LRPAP1: variants seen among roughly 807,000 people sequenced by gnomAD.
LRPAP1 encodes LDL receptor related protein associated protein 1, also known as alpha-2-macroglobulin receptor-associated protein.
A neutral mutation model predicts 39.9 loss-of-function variants in LRPAP1; 41 were observed. The ratio of observed to expected loss-of-function variants is 1.03; its 90% confidence interval spans 0.80 to 1.33. The LOEUF (loss-of-function observed/expected upper bound fraction) is 1.33, where lower values mean the gene tolerates loss of function less well. Ranked by LOEUF, LRPAP1 falls within the 40% of genes most tolerant of loss-of-function variation. The pLI is 0.00. For missense variants in LRPAP1, 565 were observed against 482.3 expected, an observed-to-expected ratio of 1.17 and a Z score of -1.61; for synonymous variants, 263 against 212.7, an observed-to-expected ratio of 1.24 and a Z score of -2.06.
intron 7 of LRPAP1, 97 bp downstream of exon 7, chr4:3,514,655 C>G: frequency 1.4e-6 from 2 of 1,436,188 alleles, no homozygotes; most frequent in Non-Finnish European, 1.9e-6. Flanking sequence ...GCGTGGGGCC[C>G]ACACCCCATC....
rs1729388398 is a variant in LRPAP1, at chr4:3,507,489, A to G, written c.*5485T>C. ...CCTACATATCATATATTTATACATT[A>G]TCATCTGCGAATTACTGACATTTGC... On this transcript the variant is annotated 3_prime_UTR_variant, in exon 8 of 8. Coordinates refer to ENST00000650182, the MANE Select transcript of LRPAP1 (RefSeq NM_002337.4). The G allele has an allele frequency of 8.7e-6, 1 of 115,428 alleles. No homozygotes were observed. Among genetic ancestry groups the G allele is most frequent in the South Asian group, 2.4e-4 (1 of 4,180 alleles). 7.2% of individuals were successfully genotyped at this position (115,428 alleles called of 1,614,324 possible). A position where few individuals can be genotyped will look rare whatever the true frequency, so the allele number is the denominator to read the frequency against.
In LRPAP1 at chr4:3,510,741, G is replaced by A. The variant is rs1729481420; in HGVS notation, c.*2233C>T. 1 of 152,116 alleles carries A rather than the reference G, an allele frequency of 6.6e-6. No individual in the cohort carries two copies. The highest frequency in any genetic ancestry group is 6.5e-5 in the Admixed American group (1 of 15,276). The allele number at this position is 152,116 out of a possible 1,614,324, so 9.4% of individuals were successfully genotyped here. ...AATCTCAGATGCTGAGCGAATGTAA[G>A]CAGATACACGCAGACATACACAGAC... On this transcript the variant is annotated 3_prime_UTR_variant, in exon 8 of 8. Transcript: ENST00000650182.
At chr4:3,521,433 T>A (rs998508197) in intron 2 of LRPAP1, among the ~76,000 whole-genome samples, 1 of 152,096 alleles carries the variant, frequency 6.6e-6, no homozygotes, top group Non-Finnish European at 1.5e-5. Context: ...GGCCTCCACA[T>A]GCTCTGGGCT....
At chr4:3,522,301 CCA>C (rs1048504128) in intron 2 of LRPAP1, among the ~76,000 whole-genome samples, 2 of 152,238 alleles carry the variant, frequency 1.3e-5, no homozygotes, top group Admixed American at 6.5e-5. Context: ...AAGCTCTGAG[CCA>C]GAGCCCAAAG....
chr4:3,505,226 C>T lies in LRPAP1; in HGVS notation c.*7748G>A, dbSNP rs1040487311. ...AGCCCAGCTCGAGGCTGCTCTTCAG[C>T]CCCAGCCCCTGGTGTCCCGCAGCGG... On this transcript the variant is annotated 3_prime_UTR_variant, in exon 8 of 8. Coordinates refer to ENST00000650182, the MANE Select transcript of LRPAP1 (RefSeq NM_002337.4). Among the ~76,000 whole-genome samples the T allele has an allele frequency of 2.6e-5, 4 of 152,334 alleles. No homozygotes were observed. The highest frequency in any genetic ancestry group is 2.6e-4 in the Admixed American group (4 of 15,312).
Position 3,512,321 on chromosome 4 carries a change from T to A in LRPAP1, c.*653A>T, listed in dbSNP as rs188505547. On this transcript the variant is annotated 3_prime_UTR_variant, in exon 8 of 8. Transcript: ENST00000650182. ...GGTCCCTGAGCTGCAGAGGTGAGAG[T>A]TGAAAGACGCTGCCCCCAGGCCACA... 2 of 152,240 alleles carry A rather than the reference T, an allele frequency of 1.3e-5. No homozygotes were observed. Among genetic ancestry groups the A allele is most frequent in the African/African-American group, 4.8e-5 (2 of 41,358 alleles). The allele number at this position is 152,240 out of a possible 1,614,324, so 9.4% of individuals were successfully genotyped here.
At chr4:3,527,562 G>A (rs548200052) in intron 1 of LRPAP1, among the ~76,000 whole-genome samples, 10 of 152,252 alleles carry the variant, frequency 6.6e-5, no homozygotes, top group Middle Eastern at 3.2e-3. Flanking sequence ...CACTGCCCGG[G>A]AGGGTCTGAG....
intron 1 of LRPAP1, among the ~76,000 whole-genome samples, chr4:3,529,879 T>A (rs1403039817): frequency 6.6e-6 from 1 of 152,340 alleles, no homozygotes; most frequent in Middle Eastern, 3.4e-3. Flanking sequence ...AGGGACACGA[T>A]GTTTTCATGA....
rs2108689787 is a variant in LRPAP1 at position 3,518,316 on chromosome 4, C to T, written c.593-124G>A. The T allele has an allele frequency of 3.7e-6, 4 of 1,086,358 alleles. No homozygotes were observed. The Middle Eastern group carries it at 6.3e-4, about 172-fold the overall frequency. The allele number at this position is 1,086,358 out of a possible 1,614,324, so 67.3% of individuals were successfully genotyped here. On this transcript the variant is annotated intron_variant, in intron 4 of 7. Transcript: ENST00000650182. ...CTCTCATTTCTGGGCTGAAAATGTC[C>T]CCCTTCCGCGGTCCTGCAGCGCCGC... is the stretch of plus-strand genomic sequence containing the variant.
chr4:3,512,405 C>G lies in LRPAP1; in HGVS notation c.*569G>C, dbSNP rs1449643160. 6.5e-6 allele frequency: 1 copy of G among 153,800 alleles called. No individual in the cohort carries two copies. Among genetic ancestry groups the G allele is most frequent in the South Asian group, 2.0e-4 (1 of 4,908 alleles). 9.5% of individuals were successfully genotyped at this position (153,800 alleles called of 1,614,324 possible). ...ATCTTCCCCTCAAACTCAACTCAAG[C>G]GCTCTTGGCTTTAAATCAGGCCGGG... On this transcript the variant is annotated 3_prime_UTR_variant, in exon 8 of 8. Transcript: ENST00000650182.
At position 3,532,281 on chromosome 4, in the gene LRPAP1, C is replaced by T. The variant is rs1412783149; in HGVS notation, c.132G>A (p.Pro44=). ...CCTCTCCGGACTCGCGTTTCGGGGA[C>T]GGCTTGGGCTGGTTCTTCTCCCGCG... ...KYSREKNQPK[P]SPKRESGEEF... Residue 44 remains proline (P), a synonymous_variant, in exon 1 of 8, where the codon CCG becomes CCA. Coordinates refer to ENST00000650182, the MANE Select transcript of LRPAP1 (RefSeq NM_002337.4). 2.6e-6 allele frequency: 4 copies of T among 1,559,702 alleles called. No homozygotes were observed. The highest frequency in any genetic ancestry group is 3.3e-4 in the Middle Eastern group (2 of 5,990).
chr4:3,526,239 C>T (rs1730075896), intron 1 of LRPAP1, among the ~76,000 whole-genome samples: 1 of 152,134 alleles, frequency 6.6e-6, no homozygotes. Context: ...TCCCTGAGCA[C>T]CTGCATTCTC....
chr4:3,522,630 G>A (rs1476394785), intron 2 of LRPAP1, among the ~76,000 whole-genome samples: 3 of 127,962 alleles, frequency 2.3e-5, no homozygotes, highest in Non-Finnish European at 5.1e-5. Flanking sequence ...GAGGACAGAC[G>A]CCGCCCCACA....
intron 7 of LRPAP1, among the ~76,000 whole-genome samples, chr4:3,513,707 C>A (rs547203848): frequency 6.6e-6 from 1 of 152,194 alleles, no homozygotes; most frequent in Non-Finnish European, 1.5e-5. Flanking sequence ...GGAGAGGGAC[C>A]TCCAGCTCCT....
At position 3,509,234 on chromosome 4, in the gene LRPAP1, C is replaced by G. The variant is rs1309324172; in HGVS notation, c.*3740G>C. ...GCATGGACACCGGAGACTGTTGAGACGCCGACTGGAGTCACACACGGCAGT... is the reference window on the plus strand; with the variant it reads ...GCATGGACACCGGAGACTGTTGAGAGGCCGACTGGAGTCACACACGGCAGT... On this transcript the variant is annotated 3_prime_UTR_variant, in exon 8 of 8. Transcript: ENST00000650182. 3 of 151,336 alleles carry G rather than the reference C, an allele frequency of 2.0e-5. No homozygotes were observed. Among genetic ancestry groups the G allele is most frequent in the African/African-American group, 7.3e-5 (3 of 41,058 alleles). The allele number at this position is 151,336 out of a possible 1,614,324, so 9.4% of individuals were successfully genotyped here. A position where few individuals can be genotyped will look rare whatever the true frequency, so the allele number is the denominator to read the frequency against.
intron 1 of LRPAP1, 143 bp from the exon 2 acceptor site, chr4:3,525,194 C>CAA: frequency 1.2e-6 from 1 of 863,974 alleles, no homozygotes; most frequent in Non-Finnish European, 1.9e-6. Context: ...CAGCAGGATT[C>CAA]AAACCCCACA....
chr4:3,514,794 C>T lies in LRPAP1; in HGVS notation c.969G>A (p.Lys323=), dbSNP rs374454307. The T allele has an allele frequency of 8.1e-6, 13 of 1,612,798 alleles. No individual in the cohort carries two copies. The highest frequency in any genetic ancestry group is 1.3e-5 in the African/African-American group (1 of 74,956). The change falls in exon 7 of 8, where the codon AAG becomes AAA. Residue 323 remains lysine (K), a synonymous_variant. Transcript: ENST00000650182. ...TGGTCCGCCCCTCCAGCAGGGCGTG[C>T]TTCTCGCGGCTGCGGCTCACACGCT... The part of the protein sequence containing the change: ...DGERVSRSRE[K]HALLEGRTKE...
chr4:3,527,912 C>T (rs1167582240), intron 1 of LRPAP1, among the ~76,000 whole-genome samples: 1 of 152,232 alleles, frequency 6.6e-6, no homozygotes, highest in Non-Finnish European at 1.5e-5. Context: ...CTGCAACCCA[C>T]AGGGGAAAGT....
At chr4:3,515,051 G>C (rs937249377) in intron 6 of LRPAP1, 123 bp from the exon 7 acceptor site, 1 of 1,076,660 alleles carries the variant, frequency 9.3e-7, no homozygotes, top group Non-Finnish European at 1.4e-6. Flanking sequence ...CAGGCCTTGC[G>C]GTGACATGGG....
Sources: allele counts gnomAD v4.1 joint callset (sites outside exome capture counted in the v4.1 genomes callset), GRCh38; gene constraint gnomAD v4.1.1; transcripts MANE v1.5; gene names NCBI Gene and HGNC (gene_info 2026-07-23, HGNC 2026-07-21).